Variants in GPATCH2 observed in about 807,000 individuals in gnomAD.
GPATCH2 encodes G patch domain-containing protein 2.
In GPATCH2, 51 loss-of-function variants were observed where a neutral mutation model predicts 58.0. That is an observed-to-expected ratio of 0.88 (90% CI 0.70 to 1.11). The LOEUF is 1.11. GPATCH2 is among the 50% of genes most tolerant of loss of function. The pLI, the probability that GPATCH2 is intolerant of heterozygous loss-of-function variation, is 0.00. For synonymous variants in GPATCH2, 222 were observed against 218.5 expected, an observed-to-expected ratio of 1.02 and a Z score of -0.14; for missense variants, 625 against 652.2, an observed-to-expected ratio of 0.96 and a Z score of 0.45.
At chr1:217,463,638 C>A (rs1433971804) in intron 8 of GPATCH2, among the ~76,000 whole-genome samples, 1 of 63,324 alleles carries the variant, frequency 1.6e-5, no homozygotes, top group Non-Finnish European at 2.9e-5. Flanking sequence ...GAACTTATCA[C>A]TCCAAAAAAA....
At chr1:217,535,227 G>A (rs1328033139) in intron 5 of GPATCH2, among the ~76,000 whole-genome samples, 3 of 152,170 alleles carry the variant, frequency 2.0e-5, no homozygotes, top group Admixed American at 6.5e-5. Context: ...CTTGACTTAA[G>A]CGAAATAGAA....
chr1:217,580,472 C>T (rs1667018371), intron 5 of GPATCH2, among the ~76,000 whole-genome samples: 1 of 152,142 alleles, frequency 6.6e-6, no homozygotes, highest in Non-Finnish European at 1.5e-5. Flanking sequence ...ACAAGAAGTG[C>T]TTATATTTAC....
intron 8 of GPATCH2, among the ~76,000 whole-genome samples, chr1:217,460,361 C>T (rs1350149788): frequency 6.6e-6 from 1 of 152,136 alleles, no homozygotes; most frequent in Non-Finnish European, 1.5e-5. Flanking sequence ...GTATGCCATG[C>T]CCTATGCCAT....
intron 5 of GPATCH2, among the ~76,000 whole-genome samples, chr1:217,578,550 T>G (rs1384841418): frequency 6.6e-6 from 1 of 152,210 alleles, no homozygotes; most frequent in African/African-American, 2.4e-5. Flanking sequence ...CTGTGCTTGG[T>G]CCACCTATTG....
intron 5 of GPATCH2, chr1:217,609,827 A>T: frequency 1.0e-6 from 1 of 999,546 alleles, no homozygotes; most frequent in Non-Finnish European, 1.2e-6. Flanking sequence ...GAAGTTTAAA[A>T]TTTTCTAGCT....
At chr1:217,466,611 A>G (rs1216813118) in intron 8 of GPATCH2, among the ~76,000 whole-genome samples, 1 of 152,202 alleles carries the variant, frequency 6.6e-6, no homozygotes, top group African/African-American at 2.4e-5. Flanking sequence ...AAAGGAGGGC[A>G]CATGAGGCCA....
intron 8 of GPATCH2, among the ~76,000 whole-genome samples, chr1:217,452,982 C>A (rs1235474480): frequency 6.6e-6 from 1 of 152,208 alleles, no homozygotes; most frequent in Non-Finnish European, 1.5e-5. Flanking sequence ...CACCCCCCTT[C>A]TTTCAGACAG....
In GPATCH2 at chr1:217,609,457, G is replaced by C; in HGVS notation, c.1098+864C>G. On this transcript the variant is annotated intron_variant, in intron 5 of 9. Coordinates refer to ENST00000366935, the MANE Select transcript of GPATCH2 (RefSeq NM_018040.5). ...ATTTAAAAGGTAAATGATTCTACTAGTGCAGACTAGTTATCACTGTGGCTA... is the reference window on the plus strand; with the variant it reads ...ATTTAAAAGGTAAATGATTCTACTACTGCAGACTAGTTATCACTGTGGCTA... The C allele has an allele frequency of 6.1e-6, 6 of 983,488 alleles. 1 individual carries two copies. In the South Asian group the frequency reaches 2.8e-4, roughly 46 times the overall value. The allele number at this position is 983,488 out of a possible 1,614,324, so 60.9% of individuals were successfully genotyped here.
chr1:217,618,295 C>T (rs1317114946), intron 2 of GPATCH2, among the ~76,000 whole-genome samples: 1 of 150,256 alleles, frequency 6.7e-6, no homozygotes, highest in Non-Finnish European at 1.5e-5. Flanking sequence ...CTGTAATCTC[C>T]GCCTCCCAGG....
chr1:217,583,924 A>T (rs1667198026), intron 5 of GPATCH2, among the ~76,000 whole-genome samples: 1 of 152,122 alleles, frequency 6.6e-6, no homozygotes, highest in Non-Finnish European at 1.5e-5. Context: ...CATACCAAGA[A>T]AATTATTCAT....
rs544519974 is a variant in GPATCH2 at position 217,599,490 on chromosome 1, G to T, written c.1098+10831C>A. ...TGTGGCAAGAGTGGAGGCAGACAAAGATAACACATGAAACCAAATGTTACA... is the reference window on the plus strand; with the variant it reads ...TGTGGCAAGAGTGGAGGCAGACAAATATAACACATGAAACCAAATGTTACA... On this transcript the variant is annotated intron_variant, in intron 5 of 9. Transcript: ENST00000366935. 4.6e-5 allele frequency among the ~76,000 whole-genome samples: 7 copies of T among 152,282 alleles called. 1 individual carries two copies. The highest frequency in any genetic ancestry group is 4.1e-4 in the South Asian group (2 of 4,828).
intron 8 of GPATCH2, among the ~76,000 whole-genome samples, chr1:217,479,121 A>G (rs900140068): frequency 6.6e-6 from 1 of 152,170 alleles, no homozygotes; most frequent in Non-Finnish European, 1.5e-5. Context: ...ACATCCTACA[A>G]GAAATTCTAA....
intron 5 of GPATCH2, among the ~76,000 whole-genome samples, chr1:217,522,835 C>T (rs1663538852): frequency 3.3e-5 from 5 of 151,498 alleles, no homozygotes; most frequent in Admixed American, 3.3e-4. Flanking sequence ...GTTCAATACA[C>T]ACACACACAC....
chr1:217,500,152 ATT>A (rs1272035130), intron 6 of GPATCH2, among the ~76,000 whole-genome samples: 1 of 151,550 alleles, frequency 6.6e-6, no homozygotes, highest in Non-Finnish European at 1.5e-5. Context: ...TGTTTTTGCT[ATT>A]TTTTCTATGT....
At chr1:217,610,527 T>C (rs1340822117) in intron 4 of GPATCH2, 127 bp from the exon 5 acceptor site, 7 of 646,852 alleles carry the variant, frequency 1.1e-5, no homozygotes, top group Non-Finnish European at 1.6e-5. Flanking sequence ...GAATATTATT[T>C]GGGAAAATGC....
At chr1:217,618,495 G>T (rs528876280) in intron 2 of GPATCH2, among the ~76,000 whole-genome samples, 1 of 151,856 alleles carries the variant, frequency 6.6e-6, no homozygotes, top group East Asian at 1.9e-4. Flanking sequence ...GGCATGAGCC[G>T]CCATGCTCAG....
chr1:217,507,974 C>G (rs1241618617), intron 6 of GPATCH2, among the ~76,000 whole-genome samples: 1 of 152,030 alleles, frequency 6.6e-6, no homozygotes, highest in Admixed American at 6.6e-5. Flanking sequence ...AAATAAAATA[C>G]AGTGTACAAT....
Position 217,448,615 on chromosome 1 carries a change from C to T in GPATCH2, c.1366+634G>A, listed in dbSNP as rs184522182. Among the ~76,000 whole-genome samples the T allele has an allele frequency of 2.8e-4, 43 of 152,332 alleles. 1 individual carries two copies. Among genetic ancestry groups the T allele is most frequent in the Admixed American group, 1.4e-3 (22 of 15,310 alleles). On this transcript the variant is annotated intron_variant, in intron 9 of 9. Coordinates refer to ENST00000366935, the MANE Select transcript of GPATCH2 (RefSeq NM_018040.5). ...TTCAGTAAGGCAGGCTTCCTGTCCT[C>T]TCCGATCTACAGTGACTTCCCTCTG...
intron 5 of GPATCH2, among the ~76,000 whole-genome samples, chr1:217,535,719 C>G (rs980804485): frequency 6.6e-6 from 1 of 151,958 alleles, no homozygotes. Flanking sequence ...TCCTGTGTAC[C>G]GAAAATACTA....
Sources: gnomAD v4.1 joint callset for allele counts (sites outside exome capture counted in the v4.1 genomes callset) on GRCh38, gnomAD v4.1.1 for gene constraint, MANE v1.5 for transcripts, NCBI Gene and HGNC (gene_info 2026-07-23, HGNC 2026-07-21) for gene names.